ANAPC10: variants seen among roughly 807,000 people sequenced by gnomAD.
ANAPC10 encodes anaphase-promoting complex subunit 10.
In ANAPC10, 12 loss-of-function variants were observed where a neutral mutation model predicts 22.0. The observed-to-expected ratio is 0.55, with a 90% CI of 0.35 to 0.88. ANAPC10 has a LOEUF of 0.88. Among genes scored for constraint, ANAPC10 ranks in the 40% least tolerant of loss-of-function variants. The pLI, the probability that ANAPC10 is intolerant of heterozygous loss-of-function variation, is 0.01. For missense variants in ANAPC10, 188 were observed against 220.9 expected (o/e 0.85, Z 0.94); for synonymous variants, 65 against 69.5 (o/e 0.94, Z 0.32).
chr4:145,009,198 G>C (rs1430202832), intron 4 of ANAPC10, among the ~76,000 whole-genome samples: 2 of 152,026 alleles, frequency 1.3e-5, no homozygotes, highest in Non-Finnish European at 2.9e-5. Context: ...CAAACAAATG[G>C]AAGAACATTC....
intron 4 of ANAPC10, among the ~76,000 whole-genome samples, chr4:145,026,977 A>G (rs1281151948): frequency 5.8e-5 from 2 of 34,418 alleles, no homozygotes; most frequent in Non-Finnish European, 9.7e-5. Context: ...ATATATATAT[A>G]TATATATATA....
At chr4:145,017,140 G>A (rs1010301070) in intron 4 of ANAPC10, among the ~76,000 whole-genome samples, 2 of 152,130 alleles carry the variant, frequency 1.3e-5, no homozygotes, top group African/African-American at 2.4e-5. Flanking sequence ...TTAAACTAAA[G>A]AGCTTCTGCA....
chr4:145,059,495 G>A (rs1402519956), intron 4 of ANAPC10, among the ~76,000 whole-genome samples: 1 of 152,030 alleles, frequency 6.6e-6, no homozygotes, highest in Non-Finnish European at 1.5e-5. Context: ...TTAAGCACTC[G>A]ATCTTGTGCT....
At chr4:145,066,047 A>C (rs1353109766) in intron 3 of ANAPC10, among the ~76,000 whole-genome samples, 1 of 152,150 alleles carries the variant, frequency 6.6e-6, no homozygotes, top group African/African-American at 2.4e-5. Flanking sequence ...TGTGCTTTAA[A>C]AGTTAAGTTC....
intron 4 of ANAPC10, among the ~76,000 whole-genome samples, chr4:145,014,801 T>A (rs1425592602): frequency 6.6e-6 from 1 of 152,048 alleles, no homozygotes; most frequent in Non-Finnish European, 1.5e-5. Context: ...CGGAGGCTGG[T>A]AGACTTGCTG....
intron 4 of ANAPC10, among the ~76,000 whole-genome samples, chr4:145,018,769 T>C (rs182415769): frequency 2.6e-5 from 4 of 152,134 alleles, no homozygotes; most frequent in Non-Finnish European, 4.4e-5. Context: ...TTCATGTAAA[T>C]GGACACCAAA....
intron 4 of ANAPC10, among the ~76,000 whole-genome samples, chr4:145,062,911 G>A (rs1448974901): frequency 6.6e-6 from 1 of 152,078 alleles, no homozygotes; most frequent in African/African-American, 2.4e-5. Context: ...AAACAAGCCA[G>A]GCACAGAAAG....
At chr4:145,010,063 C>T (rs1382116773) in intron 4 of ANAPC10, among the ~76,000 whole-genome samples, 3 of 152,070 alleles carry the variant, frequency 2.0e-5, no homozygotes, top group Admixed American at 2.0e-4. Context: ...TCAACAGACA[C>T]ATGAAAAAAT....
chr4:145,037,855 G>A (rs893998945), intron 4 of ANAPC10, among the ~76,000 whole-genome samples: 2 of 150,922 alleles, frequency 1.3e-5, no homozygotes, highest in Non-Finnish European at 2.9e-5. Flanking sequence ...GCTGAGGCAG[G>A]AGGATCGATT....
In ANAPC10 at chr4:145,040,959, G is replaced by C. The variant is rs531510070; in HGVS notation, c.327+23613C>G. ...GCACAGAAATAATGCATGACAATGG[G>C]AACAAAGTTCTTACTACAGATCTAC... On this transcript the variant is annotated intron_variant, in intron 4 of 4. Coordinates refer to ENST00000507656, the MANE Select transcript of ANAPC10 (RefSeq NM_001256706.2). 3.3e-5 allele frequency among the ~76,000 whole-genome samples: 5 copies of C among 151,596 alleles called. No individual in the cohort carries two copies. In the South Asian group the frequency reaches 1.0e-3, roughly 32 times the overall value.
chr4:145,059,091 C>A (rs1742500399), intron 4 of ANAPC10, among the ~76,000 whole-genome samples: 1 of 152,088 alleles, frequency 6.6e-6, no homozygotes. Context: ...ATAGATACTG[C>A]CTAAGCCATT....
At chr4:145,026,753 G>GC (rs1736715262) in intron 4 of ANAPC10, among the ~76,000 whole-genome samples, 1 of 192 alleles carries the variant, frequency 5.2e-3, no homozygotes, top group Non-Finnish European at 0.018. Context: ...AGGCAGTGAA[G>GC]AAGTACAAGA....
At chr4:145,005,458 C>G (rs981266919) in intron 4 of ANAPC10, among the ~76,000 whole-genome samples, 1 of 151,936 alleles carries the variant, frequency 6.6e-6, no homozygotes, top group Admixed American at 6.6e-5. Flanking sequence ...TCTCAATTTC[C>G]TTCAGTTCAG....
chr4:145,054,279 C>T (rs1053653627), intron 4 of ANAPC10, among the ~76,000 whole-genome samples: 7 of 150,220 alleles, frequency 4.7e-5, no homozygotes, highest in Middle Eastern at 3.4e-3. Context: ...ACACCAGGCG[C>T]GGTAGCTCAC....
rs1473510497 is a variant in ANAPC10, at chr4:145,004,810, T to TTTG, written c.328-9210_328-9208dup. Among the ~76,000 whole-genome samples the TTTG allele has an allele frequency of 3.9e-5, 6 of 152,260 alleles. No individual in the cohort carries two copies. The East Asian group carries it at 1.2e-3, about 29-fold the overall frequency. On this transcript the variant is annotated intron_variant, in intron 4 of 4. Transcript: ENST00000507656. ...AGGATATTGGCCTGAAGTTTTCTTT[T>TTTG]TTGTTGTTGTTGTGTCTCTGCCAGG...
intron 4 of ANAPC10, among the ~76,000 whole-genome samples, chr4:145,016,840 T>A (rs1735243001): frequency 6.6e-6 from 1 of 152,180 alleles, no homozygotes; most frequent in Admixed American, 6.5e-5. Flanking sequence ...ATCTGATGTT[T>A]GACAAACCTG....
At chr4:145,056,312 T>G (rs1742065683) in intron 4 of ANAPC10, among the ~76,000 whole-genome samples, 1 of 152,158 alleles carries the variant, frequency 6.6e-6, no homozygotes, top group South Asian at 2.1e-4. Context: ...CATGACAGTT[T>G]ACAAATGCCA....
chr4:145,034,693 G>C (rs1186647399), intron 4 of ANAPC10, among the ~76,000 whole-genome samples: 1 of 151,538 alleles, frequency 6.6e-6, no homozygotes, highest in African/African-American at 2.4e-5. Flanking sequence ...GTCCCTCTAA[G>C]AGAAACCTGA....
chr4:145,004,263 A>G (rs1733012038), intron 4 of ANAPC10, among the ~76,000 whole-genome samples: 1 of 152,112 alleles, frequency 6.6e-6, no homozygotes, highest in Non-Finnish European at 1.5e-5. Flanking sequence ...GTGTTTGTGT[A>G]GGTCTAGCAT....
Sources: allele counts gnomAD v4.1 joint callset (sites outside exome capture counted in the v4.1 genomes callset), GRCh38; gene constraint gnomAD v4.1.1; transcripts MANE v1.5; gene names NCBI Gene and HGNC (gene_info 2026-07-23, HGNC 2026-07-21).